SFMBT2: variants seen among roughly 807,000 people sequenced by gnomAD.
The protein encoded by SFMBT2 is scm-like with four MBT domains protein 2.
In SFMBT2, 38 loss-of-function variants were observed where a neutral mutation model predicts 110.1. That is an observed-to-expected ratio of 0.35 (90% confidence interval 0.27 to 0.45). The LOEUF (loss-of-function observed/expected upper bound fraction) is 0.45, where lower values mean the gene tolerates loss of function less well. SFMBT2 is among the 20% of genes least tolerant of loss of function. The pLI is 1.00. For missense variants in SFMBT2, 1,011 were observed against 1,094.9 expected (o/e 0.92, Z 1.08); for synonymous variants, 425 against 425.4 (o/e 1.00, Z 0.01).
chr10:7,176,240 C>T (rs140501686), intron 16 of SFMBT2, 75 bp from the exon 17 acceptor site: 37,772 of 1,437,520 alleles, frequency 0.026, 648 homozygotes, highest in Admixed American at 0.065. Context: ...CCACACATTC[C>T]GAAGGCAGCA....
At chr10:7,319,687 TGAGA>T in intron 4 of SFMBT2, among the ~76,000 whole-genome samples, 1 of 99,388 alleles carries the variant, frequency 1.0e-5, no homozygotes, top group Non-Finnish European at 2.2e-5. Context: ...AGACAAAGAC[TGAGA>T]GACTGAGAGA....
intron 4 of SFMBT2, among the ~76,000 whole-genome samples, chr10:7,365,363 T>C (rs988470964): frequency 8.5e-5 from 13 of 152,242 alleles, no homozygotes; most frequent in Non-Finnish European, 1.9e-4. Context: ...TTTTCCTTGC[T>C]ATTTCAGATG....
In SFMBT2 at chr10:7,228,735, C is replaced by CT. The variant is rs1491205985; in HGVS notation, c.1121-799_1121-798insA. ...TCTTTCTTTCTTTCTTTCTTTCTTT[C>CT]CTTTCTCTCTCTCTCTCTCTCTCTC... On this transcript the variant is annotated intron_variant, in intron 9 of 20. Transcript: ENST00000397167. Among the ~76,000 whole-genome samples, 171 of 36,500 alleles carry CT rather than the reference C, an allele frequency of 4.7e-3. 8 individuals are homozygous for CT. Among genetic ancestry groups the CT allele is most frequent in the African/African-American group, 0.014 (116 of 8,376 alleles). The allele number at this position is 36,500 out of a possible 152,430, so 23.9% of individuals were successfully genotyped here.
chr10:7,316,560 G>A (rs1300464725), intron 4 of SFMBT2, among the ~76,000 whole-genome samples: 2 of 152,198 alleles, frequency 1.3e-5, no homozygotes, highest in East Asian at 1.9e-4. Flanking sequence ...GCGACCTGGA[G>A]GACATTCTTC....
At chr10:7,306,494 T>C (rs1842702643) in intron 4 of SFMBT2, among the ~76,000 whole-genome samples, 1 of 152,168 alleles carries the variant, frequency 6.6e-6, no homozygotes, top group Admixed American at 6.5e-5. Context: ...AGGAACCAGA[T>C]GGCCCACAAA....
At chr10:7,204,741 C>T (rs116763208) in intron 12 of SFMBT2, 2,357 of 184,994 alleles carry the variant, frequency 0.013, 20 homozygotes, top group Non-Finnish European at 0.018. Flanking sequence ...GGCATGGTGG[C>T]GCACGCCTGT....
rs79756547 is a variant in SFMBT2 at position 7,362,543 on chromosome 10, T to C, written c.436+5106A>G. Among the ~76,000 whole-genome samples, 730 of 152,332 alleles carry C rather than the reference T, an allele frequency of 4.8e-3. 8 individuals are homozygous for C. Among genetic ancestry groups the C allele is most frequent in the African/African-American group, 0.015 (644 of 41,582 alleles). On this transcript the variant is annotated intron_variant, in intron 4 of 20. Coordinates refer to ENST00000397167, the MANE Select transcript of SFMBT2 (RefSeq NM_001387889.1). ...AAAACTACTTTGGACAATCCCAAAG[T>C]GTCCTCGAAGATCTGGAGCTCTGCA...
chr10:7,210,316 A>G (rs916258730), intron 11 of SFMBT2, among the ~76,000 whole-genome samples: 2 of 152,170 alleles, frequency 1.3e-5, no homozygotes, highest in Non-Finnish European at 2.9e-5. Context: ...AGTTCTATCA[A>G]ACTCCTAAAA....
intron 11 of SFMBT2, among the ~76,000 whole-genome samples, chr10:7,216,017 A>G (rs985444325): frequency 1.3e-5 from 2 of 152,280 alleles, no homozygotes; most frequent in Middle Eastern, 3.4e-3. Flanking sequence ...AACTCTGCTA[A>G]CTGCTTTAAT....
At chr10:7,220,126 T>C (rs1285204137) in intron 11 of SFMBT2, among the ~76,000 whole-genome samples, 1 of 152,226 alleles carries the variant, frequency 6.6e-6, no homozygotes, top group African/African-American at 2.4e-5. Context: ...TTAATTTAAT[T>C]GTGACATTTG....
intron 15 of SFMBT2, among the ~76,000 whole-genome samples, chr10:7,194,846 G>T (rs1287376408): frequency 1.3e-5 from 2 of 152,148 alleles, no homozygotes; most frequent in East Asian, 3.9e-4. Flanking sequence ...ACTTATCGGA[G>T]AATTGATCAG....
At chr10:7,212,647 ACCATC>A (rs1839387216) in intron 11 of SFMBT2, among the ~76,000 whole-genome samples, 2 of 152,214 alleles carry the variant, frequency 1.3e-5, no homozygotes, top group African/African-American at 4.8e-5. Context: ...TCCACTTGCC[ACCATC>A]CTATAAGAGA....
chr10:7,228,750 C>T (rs1470364516), intron 9 of SFMBT2, among the ~76,000 whole-genome samples: 29 of 92,988 alleles, frequency 3.1e-4, no homozygotes, highest in Admixed American at 5.1e-4. Flanking sequence ...CTCTCTCTCT[C>T]TCTCTCTCTC....
intron 16 of SFMBT2, among the ~76,000 whole-genome samples, chr10:7,188,306 C>A (rs1838486436): frequency 6.6e-6 from 1 of 152,158 alleles, no homozygotes; most frequent in Admixed American, 6.5e-5. Flanking sequence ...GAGGGATATC[C>A]TCTTTACAAT....
intron 4 of SFMBT2, among the ~76,000 whole-genome samples, chr10:7,292,598 C>T (rs1842292111): frequency 6.6e-6 from 1 of 152,106 alleles, no homozygotes; most frequent in African/African-American, 2.4e-5. Flanking sequence ...ACACACACAT[C>T]CCTTAGTACC....
intron 1 of SFMBT2, among the ~76,000 whole-genome samples, chr10:7,391,478 A>C (rs1457629687): frequency 6.6e-6 from 1 of 152,064 alleles, no homozygotes; most frequent in Non-Finnish European, 1.5e-5. Flanking sequence ...AAAAAAAAAA[A>C]AAAACAGTAG....
intron 2 of SFMBT2, among the ~76,000 whole-genome samples, chr10:7,372,530 C>T (rs771002301): frequency 9.9e-5 from 15 of 152,236 alleles, no homozygotes; most frequent in Non-Finnish European, 2.2e-4. Flanking sequence ...AAATGCACTT[C>T]CTGAGAAAAT....
At chr10:7,321,074 T>C (rs1036520191) in intron 4 of SFMBT2, among the ~76,000 whole-genome samples, 7 of 152,122 alleles carry the variant, frequency 4.6e-5, no homozygotes, top group Non-Finnish European at 1.0e-4. Context: ...TCCTCCTATA[T>C]AAAACAAATT....
intron 1 of SFMBT2, among the ~76,000 whole-genome samples, chr10:7,402,722 T>C (rs1229388835): frequency 6.6e-6 from 1 of 152,158 alleles, no homozygotes; most frequent in Non-Finnish European, 1.5e-5. Flanking sequence ...CTGGCAAGAC[T>C]GAGGAGGCAC....
Sources: gnomAD v4.1 joint callset for allele counts (sites outside exome capture counted in the v4.1 genomes callset) on GRCh38, gnomAD v4.1.1 for gene constraint, MANE v1.5 for transcripts, NCBI Gene and HGNC (gene_info 2026-07-23, HGNC 2026-07-21) for gene names.